The following MAPK10 variants were observed in gnomAD, a reference collection of about 807,000 sequenced individuals.
MAPK10 encodes the protein mitogen-activated protein kinase 10.
In MAPK10, 25 loss-of-function variants were observed where a neutral mutation model predicts 59.3. The ratio of observed to expected loss-of-function variants is 0.42; its 90% CI spans 0.31 to 0.59. The LOEUF (loss-of-function observed/expected upper bound fraction) is 0.59. Ranked by LOEUF, MAPK10 falls within the 20% of genes least tolerant of loss-of-function variation. The probability of loss-of-function intolerance (pLI) is 0.15; values close to 1 mark genes in which losing one functional copy is unlikely to be tolerated. For missense variants in MAPK10, 351 were observed against 568.9 expected, an observed-to-expected ratio of 0.62 and a Z score of 3.90; for synonymous variants, 190 against 200.5, an observed-to-expected ratio of 0.95 and a Z score of 0.44.
chr4:86,122,271 A>AC (rs2059389436), intron 4 of MAPK10, among the ~76,000 whole-genome samples: 1 of 152,146 alleles, frequency 6.6e-6, no homozygotes, highest in Non-Finnish European at 1.5e-5. Flanking sequence ...GCTTTGGCTA[A>AC]CTATCTCAAA....
At chr4:86,088,919 CAAGA>C (rs1431002496) in intron 9 of MAPK10, among the ~76,000 whole-genome samples, 2 of 152,024 alleles carry the variant, frequency 1.3e-5, no homozygotes, top group African/African-American at 2.4e-5. Flanking sequence ...ACAACAAAAA[CAAGA>C]AAGAAGAGTA....
At chr4:86,312,836 T>C (rs920755947) in intron 2 of MAPK10, among the ~76,000 whole-genome samples, 2 of 152,048 alleles carry the variant, frequency 1.3e-5, no homozygotes, top group African/African-American at 4.8e-5. Flanking sequence ...CAGTATTGGA[T>C]TGTCTATGTT....
At chr4:86,037,532 A>G (rs903908625) in intron 11 of MAPK10, among the ~76,000 whole-genome samples, 7 of 152,014 alleles carry the variant, frequency 4.6e-5, no homozygotes, top group East Asian at 1.9e-4. Flanking sequence ...AAAAAAAAAA[A>G]GTTGCCCTTT....
rs149526436 is a variant in MAPK10 at position 86,381,532 on chromosome 4, A to G, written c.-121-26888T>C. ...TGTTAGCTGTCTCTCAACTGGCTTC[A>G]GCCAATGGAAGGCACTGCAGGATAC... On this transcript the variant is annotated intron_variant, in intron 1 of 13. Transcript: ENST00000361569. Among the ~76,000 whole-genome samples the G allele has an allele frequency of 5.8e-3, 877 of 152,282 alleles. 6 individuals carry two copies. The highest frequency in any genetic ancestry group is 0.01 in the Middle Eastern group (3 of 294).
At chr4:86,397,988 CT>C (rs1743186048) in intron 1 of MAPK10, among the ~76,000 whole-genome samples, 1 of 148,806 alleles carries the variant, frequency 6.7e-6, no homozygotes, top group Non-Finnish European at 1.5e-5. Context: ...TACTCTGAAA[CT>C]TTTGAACTAC....
chr4:86,363,761 AG>A (rs1175564667), upstream of MAPK10, among the ~76,000 whole-genome samples: 2 of 152,146 alleles, frequency 1.3e-5, no homozygotes, highest in African/African-American at 4.8e-5. Flanking sequence ...CTAAAATTTT[AG>A]TTAACTAAAA....
chr4:86,572,676 C>T (rs1470991078), intron 1 of MAPK10, among the ~76,000 whole-genome samples: 2 of 152,096 alleles, frequency 1.3e-5, no homozygotes, highest in African/African-American at 4.8e-5. Context: ...AGCATGAGGC[C>T]CTGTTCAATT....
intron 9 of MAPK10, among the ~76,000 whole-genome samples, chr4:86,091,885 G>A (rs1580095799): frequency 6.6e-6 from 1 of 151,966 alleles, no homozygotes; most frequent in Non-Finnish European, 1.5e-5. Flanking sequence ...TGTTGGCCAG[G>A]ATGGTCTTGA....
At chr4:86,372,565 AAAG>A (rs1473897705) in intron 1 of MAPK10, among the ~76,000 whole-genome samples, 54 of 9,734 alleles carry the variant, frequency 5.5e-3, no homozygotes, top group South Asian at 0.023. Context: ...AGAAAGAAAG[AAAG>A]AAAAGAAAAG....
At chr4:86,349,761 G>A (rs747365613) in intron 2 of MAPK10, among the ~76,000 whole-genome samples, 16 of 152,186 alleles carry the variant, frequency 1.1e-4, no homozygotes, top group Admixed American at 1.0e-3. Flanking sequence ...CTTAATCAGT[G>A]TGTCTGTCTG....
chr4:86,153,009 CT>C (rs2066862655), intron 4 of MAPK10, among the ~76,000 whole-genome samples: 1 of 152,080 alleles, frequency 6.6e-6, no homozygotes, highest in African/African-American at 2.4e-5. Context: ...CTGTAGGTTA[CT>C]TTTTAACATA....
At chr4:86,308,590 C>T (rs772393539) in intron 2 of MAPK10, 2 of 152,116 alleles carry the variant, frequency 1.3e-5, no homozygotes, top group African/African-American at 2.4e-5. Flanking sequence ...TGTTTCATGA[C>T]ATGATTTAGT....
intron 1 of MAPK10, among the ~76,000 whole-genome samples, chr4:86,499,847 C>T (rs566460866): frequency 3.9e-5 from 6 of 152,256 alleles, no homozygotes; most frequent in African/African-American, 1.4e-4. Flanking sequence ...TCTTTTTGTC[C>T]TTTCTGCTTC....
intron 2 of MAPK10, among the ~76,000 whole-genome samples, chr4:86,317,028 T>C (rs2095801583): frequency 6.6e-6 from 1 of 152,120 alleles, no homozygotes; most frequent in African/African-American, 2.4e-5. Flanking sequence ...AGTCTCTATC[T>C]AGTCCATAAA....
intron 2 of MAPK10, among the ~76,000 whole-genome samples, chr4:86,205,669 T>C (rs1420606577): frequency 1.3e-5 from 2 of 152,018 alleles, no homozygotes; most frequent in Non-Finnish European, 2.9e-5. Flanking sequence ...TGAGAATCTC[T>C]AGTAATATAA....
rs111697151 is a variant in MAPK10 at position 86,352,964 on chromosome 4, A to T, written c.-7+1566T>A. ...CATTTCTGCTTCAGCATAGTAAATG[A>T]TACCTAGTATTCCCACACAATCATG... On this transcript the variant is annotated intron_variant, in intron 2 of 13. Transcript: ENST00000641462. 3.7e-3 allele frequency among the ~76,000 whole-genome samples: 561 copies of T among 152,262 alleles called. 1 individual carries two copies. Among genetic ancestry groups the T allele is most frequent in the Non-Finnish European group, 6.5e-3 (444 of 68,024 alleles).
At chr4:86,067,131 TG>T (rs2046894112) in intron 10 of MAPK10, among the ~76,000 whole-genome samples, 1 of 152,186 alleles carries the variant, frequency 6.6e-6, no homozygotes, top group South Asian at 2.1e-4. Context: ...AATTACATTA[TG>T]AAGTATAATA....
intron 11 of MAPK10, among the ~76,000 whole-genome samples, chr4:86,060,909 T>C (rs1405242358): frequency 6.6e-6 from 1 of 152,184 alleles, no homozygotes. Context: ...GCTAGTCTTT[T>C]TCACCAGACG....
At position 86,076,188 on chromosome 4, in the gene MAPK10, C is replaced by T. The variant is rs571146376; in HGVS notation, c.803-8233G>A. Among the ~76,000 whole-genome samples the T allele has an allele frequency of 6.6e-5, 10 of 152,314 alleles. No individual in the cohort carries two copies. The East Asian group carries it at 1.2e-3, about 18-fold the overall frequency. On this transcript the variant is annotated intron_variant, in intron 9 of 13. Coordinates refer to ENST00000641462, the MANE Select transcript of MAPK10 (RefSeq NM_138982.4). ...GCGTCTGTCACCCGTTTCTTTGACT[C>T]GGAAAGGGAACTCCCTGACCCCTTG...
Sources: allele counts gnomAD v4.1 joint callset (sites outside exome capture counted in the v4.1 genomes callset), GRCh38; gene constraint gnomAD v4.1.1; transcripts MANE v1.5; gene names NCBI Gene and HGNC (gene_info 2026-07-23, HGNC 2026-07-21).